Variants in KLHL30 observed in about 807,000 individuals in gnomAD.
The protein encoded by KLHL30 is kelch-like protein 30.
In KLHL30, 55 loss-of-function variants were observed where a neutral mutation model predicts 55.0. The ratio of observed to expected loss-of-function variants is 1.00; its 90% CI spans 0.80 to 1.25. The LOEUF (loss-of-function observed/expected upper bound fraction) is 1.25. Ranked by LOEUF, KLHL30 falls within the 50% of genes most tolerant of loss-of-function variation. KLHL30 has a pLI of 0.00. For missense variants in KLHL30, 786 were observed against 811.6 expected (o/e 0.97, Z 0.38); for synonymous variants, 356 against 372.6 (o/e 0.96, Z 0.51).
In KLHL30 at chr2:238,141,421, C is replaced by T; in HGVS notation, c.667C>T (p.His223Tyr). 1.3e-6 allele frequency: 2 copies of T among 1,568,880 alleles called. No homozygotes were observed. The highest frequency in any genetic ancestry group is 2.7e-5 in the African/African-American group (2 of 74,396). ...AHLPELLSLV[H>Y]LDAVPRPCVQ... The stretch of plus-strand genomic sequence containing the variant: ...CCTGCCCGAGCTGCTCAGCCTAGTG[C>T]ACCTGGACGCCGTGCCCAGGCCCTG... Residue 223 changes from histidine (H) to tyrosine (Y), a missense_variant, in exon 2 of 8, where the codon CAC becomes TAC. Coordinates refer to ENST00000409223, the MANE Select transcript of KLHL30 (RefSeq NM_198582.4).
rs758585899 is a variant in KLHL30 at position 238,141,115 on chromosome 2, G to T, written c.361G>T (p.Val121Phe). Residue 121 changes from valine to phenylalanine, a missense_variant, in exon 2 of 8, where the codon GTC (valine) becomes TTC (phenylalanine). By Grantham distance (50) the Val-to-Phe change is conservative. Coordinates refer to ENST00000409223, the MANE Select transcript of KLHL30 (RefSeq NM_198582.4). The stretch of plus-strand genomic sequence containing the variant: ...CCTGCACTTCCCCTCGGTGCAGAAG[G>T]TCTGCGGCCGCTACCTGCAGCAGCA... ...ARLHFPSVQK[V>F]CGRYLQQQLD... The T allele has an allele frequency of 1.2e-6, 2 of 1,610,530 alleles. No individual in the cohort carries two copies. The highest frequency in any genetic ancestry group is 1.7e-6 in the Non-Finnish European group (2 of 1,178,330).
chr2:238,151,974 G>A lies in KLHL30; in HGVS notation c.*909G>A. On this transcript the variant is annotated 3_prime_UTR_variant, in exon 8 of 8. Coordinates refer to ENST00000409223, the MANE Select transcript of KLHL30 (RefSeq NM_198582.4). ...CCAGCATGCAGCCCGACTCCGGCTG[G>A]CTCAGGCTCCGAGTGGCTTCTCCCT... 5.1e-6 allele frequency: 5 copies of A among 985,502 alleles called. No individual in the cohort carries two copies. The highest frequency in any genetic ancestry group is 4.8e-6 in the Non-Finnish European group (4 of 829,966). 61.0% of individuals were successfully genotyped at this position (985,502 alleles called of 1,614,324 possible). A position where few individuals can be genotyped will look rare whatever the true frequency, so the allele number is the denominator to read the frequency against.
At chr2:238,148,242 G>C (rs1459811055) in intron 6 of KLHL30, among the ~76,000 whole-genome samples, 1 of 152,092 alleles carries the variant, frequency 6.6e-6, no homozygotes, top group African/African-American at 2.4e-5. Context: ...CAGAGTCCCA[G>C]CACAGAGGCG....
In KLHL30 at chr2:238,149,015, A is replaced by C. The variant is rs1284110031; in HGVS notation, c.1348A>C (p.Ser450Arg). The C allele has an allele frequency of 6.2e-7, 1 of 1,600,536 alleles. No individual in the cohort carries two copies. Among genetic ancestry groups the C allele is most frequent in the Admixed American group, 1.7e-5 (1 of 57,534 alleles). The stretch of plus-strand genomic sequence containing the variant: ...GCCCGTGCCCCCCACAGATGCGTGG[A>C]GTGTGATCGCCTCGCCCTTCCTGCC... The part of the protein sequence containing the change: ...QCYNPVTDAW[S>R]VIASPFLPKY... The change falls in exon 7 of 8, where the codon AGT (serine) becomes CGT (arginine). Residue 450 changes from serine to arginine, a missense_variant. Coordinates refer to ENST00000409223, the MANE Select transcript of KLHL30 (RefSeq NM_198582.4).
intron 4 of KLHL30, 61 bp downstream of exon 4, chr2:238,145,049 A>G (rs1008808849): frequency 7.5e-7 from 1 of 1,326,580 alleles, no homozygotes; most frequent in African/African-American, 1.5e-5. Flanking sequence ...GGCTCAGTGC[A>G]ACTCCCCGCA....
Position 238,150,925 on chromosome 2 carries a change from A to C in KLHL30, c.1597A>C (p.Met533Leu), listed in dbSNP as rs1692743845. 1.3e-6 allele frequency: 2 copies of C among 1,594,972 alleles called. No individual in the cohort carries two copies. Among genetic ancestry groups the C allele is most frequent in the South Asian group, 2.3e-5 (2 of 87,954 alleles). ...CATGGAAGGTGACTACCACGTGGAGATGGAGGCCTACGACACGGTTCGGGA... is the reference window on the plus strand; with the variant it reads ...CATGGAAGGTGACTACCACGTGGAGCTGGAGGCCTACGACACGGTTCGGGA... The part of the protein sequence containing the change: ...QGMEGDYHVE[M>L]EAYDTVRDTW... The change falls in exon 8 of 8, where the codon ATG (methionine) becomes CTG (leucine). Residue 533 changes from methionine (M) to leucine (L), a missense_variant. Transcript: ENST00000409223.
chr2:238,142,568 C>T (rs929089897), intron 2 of KLHL30, among the ~76,000 whole-genome samples: 15 of 152,178 alleles, frequency 9.9e-5, no homozygotes, highest in African/African-American at 3.4e-4. Flanking sequence ...TTATGCGTGG[C>T]GCTGCGGACC....
intron 4 of KLHL30, 106 bp from the exon 5 acceptor site, chr2:238,145,571 G>A: frequency 7.5e-7 from 1 of 1,339,110 alleles, no homozygotes; most frequent in Non-Finnish European, 1.0e-6. Context: ...CCACGTTGGA[G>A]ATCATGGCCT....
rs748881979 is a variant in KLHL30, at chr2:238,150,844, G to C, written c.1516G>C (p.Gly506Arg). Reference protein sequence around the residue: ...VQSQHSLHENGALVPLGDALY... With the variant: ...VQSQHSLHENRALVPLGDALY... ...GTCACAGCACAGCCTGCATGAGAAT[G>C]GCGCGCTGGTGCCACTGGGTGATGC... is the stretch of plus-strand genomic sequence containing the variant. The change falls in exon 8 of 8, where the codon GGC becomes CGC. Residue 506 changes from glycine to arginine, a missense_variant. Coordinates refer to ENST00000409223, the MANE Select transcript of KLHL30 (RefSeq NM_198582.4). 2.5e-6 allele frequency: 4 copies of C among 1,590,864 alleles called. No homozygotes were observed. Among genetic ancestry groups the C allele is most frequent in the Non-Finnish European group, 3.4e-6 (4 of 1,170,346 alleles).
At position 238,145,814 on chromosome 2, in the gene KLHL30, G is replaced by A. The variant is rs1692637964; in HGVS notation, c.1132G>A (p.Glu378Lys). ...TNHASAALNG[E>K]IYVIGGTTLD... is the part of the protein sequence containing the mutation. ...CCACGCCAGCGCGGCCCTCAATGGGGAGATCTACGTTATCGGCGGTGAGGC... is the reference window on the plus strand; with the variant it reads ...CCACGCCAGCGCGGCCCTCAATGGGAAGATCTACGTTATCGGCGGTGAGGC... The change falls in exon 5 of 8, where the codon GAG becomes AAG. Residue 378 changes from glutamate (E) to lysine (K), a missense_variant. Physicochemically the swap from Glu to Lys is moderately conservative, Grantham distance 56. Transcript: ENST00000409223. The A allele has an allele frequency of 6.2e-7, 1 of 1,606,054 alleles. No individual in the cohort carries two copies. The highest frequency in any genetic ancestry group is 8.5e-7 in the Non-Finnish European group (1 of 1,176,866).
chr2:238,140,465 T>C (rs745449572), intron 1 of KLHL30, among the ~76,000 whole-genome samples: 12 of 152,176 alleles, frequency 7.9e-5, no homozygotes, highest in Non-Finnish European at 1.8e-4. Context: ...CCACCCTCTC[T>C]GAACCTCAAT....
intron 7 of KLHL30, 146 bp from the exon 8 acceptor site, chr2:238,150,668 C>T: frequency 1.1e-6 from 1 of 902,720 alleles, no homozygotes; most frequent in Non-Finnish European, 1.7e-6. Context: ...GTGGGCTGCC[C>T]AGGGACTCTG....
chr2:238,141,584 G>T, intron 2 of KLHL30, 56 bp downstream of exon 2: 5 of 1,423,060 alleles, frequency 3.5e-6, no homozygotes, highest in Non-Finnish European at 4.6e-6. Context: ...GAGCCCCAGA[G>T]ACCCCACCTG....
rs772056870 is a variant in KLHL30, at chr2:238,147,916, C to A, written c.1233C>A (p.Tyr411Ter). Residue 411 changes from tyrosine (Y) to a stop codon, truncating the protein, a stop_gained, in exon 6 of 8, where the codon TAC becomes TAA. Coordinates refer to ENST00000409223, the MANE Select transcript of KLHL30 (RefSeq NM_198582.4). LOFTEE classifies it high-confidence loss of function. This position sits in a 1 kb window ranked among gnomAD's most constrained non-coding sequence, Gnocchi z 5.8. The part of the protein sequence containing the change: ...SWTPVSPALK[Y>*]VSNFSAAGCR... ...CGCCCGTCAGCCCGGCCCTCAAATA[C>A]GTCAGCAACTTCTCGGCTGCCGGCT... 3.1e-6 allele frequency: 5 copies of A among 1,604,400 alleles called. No homozygotes were observed. Among genetic ancestry groups the A allele is most frequent in the Non-Finnish European group, 3.4e-6 (4 of 1,175,780 alleles).
In KLHL30 at chr2:238,152,037, A is replaced by T. The variant is rs535523903; in HGVS notation, c.*972A>T. 24 of 985,442 alleles carry T rather than the reference A, an allele frequency of 2.4e-5. No homozygotes were observed. In the African/African-American group the frequency reaches 3.8e-4, roughly 16 times the overall value. 61.0% of individuals were successfully genotyped at this position (985,442 alleles called of 1,614,324 possible). On this transcript the variant is annotated 3_prime_UTR_variant, in exon 8 of 8. Transcript: ENST00000409223. ...GGCACCCACCTTTGCAGCTAAGGAG[A>T]CAATGAAGGACTCTCCCTGGGTGCC...
At chr2:238,146,102 C>A (rs1195871167) in intron 5 of KLHL30, among the ~76,000 whole-genome samples, 1 of 152,124 alleles carries the variant, frequency 6.6e-6, no homozygotes, top group African/African-American at 2.4e-5. Context: ...GATGGTGACT[C>A]AGGCCCCAGG....
rs770483454 is a variant in KLHL30 at position 238,149,171 on chromosome 2, C to T, written c.1485+19C>T. On this transcript the variant is annotated intron_variant, in intron 7 of 7. Coordinates refer to ENST00000409223, the MANE Select transcript of KLHL30 (RefSeq NM_198582.4). ...GCAGAAGGTGGGCCGCCCCCTCCCC[C>T]AACATGTGTGAGCCCCTGCCCAGGA... The T allele has an allele frequency of 1.2e-6, 2 of 1,611,778 alleles. No homozygotes were observed.
rs537409254 is a variant in KLHL30, at chr2:238,139,886, A to G, written c.-70-799A>G. Among the ~76,000 whole-genome samples the G allele has an allele frequency of 2.0e-5, 3 of 152,328 alleles. No homozygotes were observed. In the East Asian group the frequency reaches 5.8e-4, roughly 29 times the overall value. ...GTGCGATACCAGAAGGACATAAACC[A>G]CATGCACATAATTACATGAGCCTGA... is the stretch of plus-strand genomic sequence containing the variant. On this transcript the variant is annotated intron_variant, in intron 1 of 7. Transcript: ENST00000409223.
At chr2:238,150,723 T>C in intron 7 of KLHL30, 91 bp from the exon 8 acceptor site, 2 of 1,435,626 alleles carry the variant, frequency 1.4e-6, no homozygotes, top group Non-Finnish European at 1.9e-6. Flanking sequence ...CTGGCTGTCC[T>C]CTCTGCCACT....
Sources: allele counts gnomAD v4.1 joint callset (sites outside exome capture counted in the v4.1 genomes callset), GRCh38; gene constraint gnomAD v4.1.1; non-coding constraint Gnocchi (gnomAD v3.1); transcripts MANE v1.5; gene names NCBI Gene and HGNC (gene_info 2026-07-23, HGNC 2026-07-21).